Variants in GXYLT1 observed in about 807,000 individuals in gnomAD.
GXYLT1 encodes the protein glycosyltransferase 8 domain containing 3.
In GXYLT1, 29 loss-of-function variants were observed where a neutral mutation model predicts 54.0. The observed-to-expected ratio is 0.54, with a 90% CI of 0.40 to 0.73. The LOEUF (loss-of-function observed/expected upper bound fraction) is 0.73. Among genes scored for constraint, GXYLT1 ranks in the 30% least tolerant of loss-of-function variants. The pLI is 0.00. For synonymous variants in GXYLT1, 176 were observed against 204.1 expected (o/e 0.86, Z 1.17); for missense variants, 490 against 553.4 (o/e 0.89, Z 1.15).
intron 5 of GXYLT1, among the ~76,000 whole-genome samples, chr12:42,102,334 T>A (rs766062748): frequency 6.6e-6 from 1 of 152,210 alleles, no homozygotes; most frequent in Non-Finnish European, 1.5e-5. Context: ...TCTCATAAGC[T>A]ATGTACTAAC....
chr12:42,107,149 T>C (rs1455387479), intron 4 of GXYLT1, among the ~76,000 whole-genome samples: 1 of 152,322 alleles, frequency 6.6e-6, no homozygotes, highest in Non-Finnish European at 1.5e-5. Context: ...ATTCAATAAA[T>C]AGGTGAATCT....
chr12:42,113,853 C>T lies in GXYLT1; in HGVS notation c.487-4162G>A, dbSNP rs1317629995. On this transcript the variant is annotated intron_variant, in intron 3 of 7. Transcript: ENST00000398675. ...TCTTTTCAGCACCACACCACACCTA[C>T]TCCAAAATTGACCACATAGTTGGAA... is the stretch of plus-strand genomic sequence containing the variant. Among the ~76,000 whole-genome samples the T allele has an allele frequency of 2.3e-3, 347 of 150,966 alleles. 1 individual carries two copies. The highest frequency in any genetic ancestry group is 3.7e-3 in the Non-Finnish European group (254 of 67,964).
At chr12:42,096,938 G>A (rs950221762) in intron 7 of GXYLT1, among the ~76,000 whole-genome samples, 1 of 151,878 alleles carries the variant, frequency 6.6e-6, no homozygotes, top group Non-Finnish European at 1.5e-5. Context: ...GAACCTAATC[G>A]TAAGGAAACA....
chr12:42,109,742 T>C, intron 3 of GXYLT1, 51 bp from the exon 4 acceptor site: 1 of 1,167,624 alleles, frequency 8.6e-7, no homozygotes, highest in Non-Finnish European at 1.2e-6. Context: ...ATTTTCTCTG[T>C]AAAATCATAA....
intron 3 of GXYLT1, among the ~76,000 whole-genome samples, chr12:42,115,125 G>A (rs12822847): frequency 0.14 from 21,663 of 152,054 alleles, 1,679 homozygotes; most frequent in Non-Finnish European, 0.18. Context: ...TTGATGGGAC[G>A]TATCTCAAAA....
intron 5 of GXYLT1, among the ~76,000 whole-genome samples, chr12:42,102,647 A>G (rs2065396679): frequency 6.6e-6 from 1 of 152,200 alleles, no homozygotes; most frequent in African/African-American, 2.4e-5. Flanking sequence ...CAGAGTAAAC[A>G]AAGAAAAAAT....
At chr12:42,105,291 T>G (rs1468276222) in intron 5 of GXYLT1, among the ~76,000 whole-genome samples, 3 of 152,238 alleles carry the variant, frequency 2.0e-5, no homozygotes, top group Non-Finnish European at 4.4e-5. Flanking sequence ...CAGGAATTTT[T>G]TAAGTTAACT....
At chr12:42,111,209 A>G (rs1402252688) in intron 3 of GXYLT1, among the ~76,000 whole-genome samples, 2 of 152,256 alleles carry the variant, frequency 1.3e-5, no homozygotes, top group African/African-American at 2.4e-5. Flanking sequence ...TCAGCAACGC[A>G]GAAGACAGGT....
intron 1 of GXYLT1, among the ~76,000 whole-genome samples, chr12:42,137,469 T>C (rs1027744578): frequency 1.2e-4 from 17 of 136,896 alleles, no homozygotes; most frequent in African/African-American, 4.5e-4. Flanking sequence ...GATCGCGTCA[T>C]TGCACTCCCG....
rs1241352921 is a variant in GXYLT1, at chr12:42,129,818, G to A, written c.255C>T (p.Pro85=). 3 of 1,613,512 alleles carry A rather than the reference G, an allele frequency of 1.9e-6. No individual in the cohort carries two copies. The South Asian group carries it at 3.3e-5, about 18-fold the overall frequency. The change falls in exon 2 of 8, where the codon CCC becomes CCT. Residue 85 remains proline, a synonymous_variant. Transcript: ENST00000398675. ...AAACATCAGAGGGCAGCATCCAATA[G>A]GGATTCCAGTAACACAGAGAGAAAT... The part of the protein sequence containing the change: ...CKDFSLCYWN[P]YWMLPSDVCG...
rs1565574950 is a variant in GXYLT1 at position 42,116,352 on chromosome 12, A to C, written c.486+2648T>G. Among the ~76,000 whole-genome samples the C allele has an allele frequency of 2.0e-5, 3 of 152,212 alleles. 1 individual carries two copies. The South Asian group carries it at 6.2e-4, about 32-fold the overall frequency. ...ATCAGAGTGAACCGGCAACCTACAGAATGGGAGAAAATTTTTGCAAGCTAC... is the reference window on the plus strand; with the variant it reads ...ATCAGAGTGAACCGGCAACCTACAGCATGGGAGAAAATTTTTGCAAGCTAC... On this transcript the variant is annotated intron_variant, in intron 3 of 7. Transcript: ENST00000398675.
At chr12:42,107,621 G>C (rs1305358065) in intron 4 of GXYLT1, among the ~76,000 whole-genome samples, 1 of 152,108 alleles carries the variant, frequency 6.6e-6, no homozygotes, top group Non-Finnish European at 1.5e-5. Context: ...AGCCTGAGAG[G>C]CAGAGGTTGC....
chr12:42,095,283 ACCTT>A (rs2065349345), intron 7 of GXYLT1, among the ~76,000 whole-genome samples: 1 of 152,202 alleles, frequency 6.6e-6, no homozygotes, highest in Admixed American at 6.5e-5. Context: ...ATGAAGATTC[ACCTT>A]CCAACAATAC....
chr12:42,084,921 A>G lies in GXYLT1; in HGVS notation c.*2865T>C, dbSNP rs2065279799. On this transcript the variant is annotated 3_prime_UTR_variant, in exon 8 of 8. Coordinates refer to ENST00000398675, the MANE Select transcript of GXYLT1 (RefSeq NM_173601.2). Reference sequence around the variant, plus strand: ...CCACTTTGGTAATACTGTAGCCCAGAGATAGTTCTGAGGTCAGAATACATA... The same window carrying G: ...CCACTTTGGTAATACTGTAGCCCAGGGATAGTTCTGAGGTCAGAATACATA... 6.6e-6 allele frequency: 1 copy of G among 152,304 alleles called. No homozygotes were observed. The highest frequency in any genetic ancestry group is 1.5e-5 in the Non-Finnish European group (1 of 68,056). The allele number at this position is 152,304 out of a possible 1,614,324, so 9.4% of individuals were successfully genotyped here.
In GXYLT1 at chr12:42,126,096, C is replaced by A. The variant is rs7135595; in HGVS notation, c.314+3663G>T. On this transcript the variant is annotated intron_variant, in intron 2 of 7. Transcript: ENST00000398675. ...AACTTTTTTTTTTTTTTTTTTGAGA[C>A]AGAGTCTCACTCTGTCACTCAGGCT... Among the ~76,000 whole-genome samples the A allele has an allele frequency of 1.7e-4, 24 of 142,926 alleles. No individual in the cohort carries two copies. In the East Asian group the frequency reaches 4.3e-3, roughly 26 times the overall value. 93.8% of individuals were successfully genotyped at this position (142,926 alleles called of 152,430 possible).
intron 5 of GXYLT1, among the ~76,000 whole-genome samples, chr12:42,105,522 A>C (rs1001332869): frequency 3.3e-5 from 5 of 152,186 alleles, no homozygotes; most frequent in African/African-American, 1.2e-4. Flanking sequence ...ACAACTACAA[A>C]ATAACATCTG....
At chr12:42,104,388 T>C (rs896589328) in intron 5 of GXYLT1, among the ~76,000 whole-genome samples, 1 of 152,034 alleles carries the variant, frequency 6.6e-6, no homozygotes, top group Non-Finnish European at 1.5e-5. Context: ...TTACAGTACA[T>C]GAAATTTAAA....
intron 1 of GXYLT1, among the ~76,000 whole-genome samples, chr12:42,138,057 C>T (rs967223246): frequency 2.0e-5 from 3 of 152,224 alleles, no homozygotes; most frequent in African/African-American, 7.2e-5. Context: ...CACCTGAGGT[C>T]AGGAGTTCGG....
In GXYLT1 at chr12:42,087,062, T is replaced by C. The variant is rs1420322919; in HGVS notation, c.*724A>G. 6.6e-6 allele frequency: 1 copy of C among 151,950 alleles called. No homozygotes were observed. Among genetic ancestry groups the C allele is most frequent in the Admixed American group, 6.6e-5 (1 of 15,252 alleles). 9.4% of individuals were successfully genotyped at this position (151,950 alleles called of 1,614,324 possible). A position where few individuals can be genotyped will look rare whatever the true frequency, so the allele number is the denominator to read the frequency against. On this transcript the variant is annotated 3_prime_UTR_variant, in exon 8 of 8. Transcript: ENST00000398675. ...TCTATTTAACAATCTTAGATCTGAG[T>C]TTTGGCAAGACAGTTTAATGCATAC...
Sources: gnomAD v4.1 joint callset for allele counts (sites outside exome capture counted in the v4.1 genomes callset) on GRCh38, gnomAD v4.1.1 for gene constraint, MANE v1.5 for transcripts, NCBI Gene and HGNC (gene_info 2026-07-23, HGNC 2026-07-21) for gene names.